Variants in SIAH3 observed in about 807,000 individuals in gnomAD.
The protein encoded by SIAH3 is siah E3 ubiquitin protein ligase family member 3.
A neutral mutation model predicts 12.6 loss-of-function variants in SIAH3; 9 were observed. The observed-to-expected ratio is 0.72, with a 90% confidence interval of 0.43 to 1.25. The LOEUF (loss-of-function observed/expected upper bound fraction) is 1.25, where lower values mean the gene tolerates loss of function less well. SIAH3 is among the 50% of genes most tolerant of loss of function. The probability of loss-of-function intolerance (pLI) is 0.00; values close to 1 mark genes in which losing one functional copy is unlikely to be tolerated. For synonymous variants in SIAH3, 154 were observed against 151.1 expected, an observed-to-expected ratio of 1.02 and a Z score of -0.14; for missense variants, 390 against 365.4, an observed-to-expected ratio of 1.07 and a Z score of -0.55.
intron 1 of SIAH3, among the ~76,000 whole-genome samples, chr13:45,803,352 G>A (rs1950588768): frequency 6.6e-6 from 1 of 152,176 alleles, no homozygotes; most frequent in South Asian, 2.1e-4. Flanking sequence ...AATACCCAGT[G>A]TCTGTCCACA....
chr13:45,843,551 T>C, intron 1 of SIAH3, among the ~76,000 whole-genome samples: 1 of 152,166 alleles, frequency 6.6e-6, no homozygotes, highest in Non-Finnish European at 1.5e-5. Flanking sequence ...TCAGCTCTTG[T>C]CCCACTGCAG....
chr13:45,799,477 C>T (rs1312319573), intron 1 of SIAH3, among the ~76,000 whole-genome samples: 4 of 152,176 alleles, frequency 2.6e-5, no homozygotes, highest in African/African-American at 9.7e-5. Flanking sequence ...TGGCTGACAC[C>T]TGCTGAGTGT....
intron 1 of SIAH3, among the ~76,000 whole-genome samples, chr13:45,806,682 A>G (rs1431298464): frequency 2.0e-5 from 3 of 152,214 alleles, no homozygotes; most frequent in African/African-American, 4.8e-5. Flanking sequence ...TCATTTACCC[A>G]TGTAACAAAC....
chr13:45,835,497 T>C (rs1950714552), intron 1 of SIAH3, among the ~76,000 whole-genome samples: 2 of 152,216 alleles, frequency 1.3e-5, no homozygotes, highest in African/African-American at 2.4e-5. Flanking sequence ...CCAAGCACTT[T>C]ATTATATTAA....
chr13:45,819,005 G>A (rs1353036453), intron 1 of SIAH3, among the ~76,000 whole-genome samples: 2 of 152,178 alleles, frequency 1.3e-5, no homozygotes, highest in African/African-American at 4.8e-5. Flanking sequence ...TTCTAATGAA[G>A]AGATGGACAA....
rs1319254988 is a variant in SIAH3, at chr13:45,777,618, TG to T, written c.*5764del. The T allele has an allele frequency of 3.3e-5, 5 of 152,228 alleles. No individual in the cohort carries two copies. Among genetic ancestry groups the T allele is most frequent in the African/African-American group, 1.2e-4 (5 of 41,472 alleles). 9.4% of individuals were successfully genotyped at this position (152,228 alleles called of 1,614,324 possible). On this transcript the variant is annotated 3_prime_UTR_variant, in exon 2 of 2. Coordinates refer to ENST00000400405, the MANE Select transcript of SIAH3 (RefSeq NM_198849.3). Reference sequence around the variant, plus strand: ...CTTTTCAGTGAAGTTTTTCTTCAGCTGGCTATTTTCCAGGTGAACACAATGG... The same window carrying T: ...CTTTTCAGTGAAGTTTTTCTTCAGCTGCTATTTTCCAGGTGAACACAATGG...
intron 1 of SIAH3, among the ~76,000 whole-genome samples, chr13:45,842,338 A>G (rs1328985768): frequency 6.6e-6 from 1 of 152,090 alleles, no homozygotes; most frequent in East Asian, 1.9e-4. Flanking sequence ...TGAACACTTT[A>G]TATAAATCAT....
At chr13:45,809,991 C>T (rs1183030491) in intron 1 of SIAH3, among the ~76,000 whole-genome samples, 1 of 152,246 alleles carries the variant, frequency 6.6e-6, no homozygotes, top group Non-Finnish European at 1.5e-5. Flanking sequence ...AGAAGCTTGT[C>T]ACGTTGCCAT....
chr13:45,832,549 A>T (rs1950702965), intron 1 of SIAH3, among the ~76,000 whole-genome samples: 1 of 152,136 alleles, frequency 6.6e-6, no homozygotes, highest in Non-Finnish European at 1.5e-5. Context: ...TGAATATCCC[A>T]TTGTATGTAT....
intron 1 of SIAH3, among the ~76,000 whole-genome samples, chr13:45,788,699 C>T (rs1423274476): frequency 2.0e-5 from 3 of 152,154 alleles, no homozygotes; most frequent in African/African-American, 7.2e-5. Flanking sequence ...ACTACATGAC[C>T]CTTTCTCTGG....
chr13:45,807,587 T>A (rs984308499), intron 1 of SIAH3, among the ~76,000 whole-genome samples: 1 of 152,158 alleles, frequency 6.6e-6, no homozygotes, highest in African/African-American at 2.4e-5. Flanking sequence ...AAATCTGTAT[T>A]CCCCATTCGT....
intron 1 of SIAH3, among the ~76,000 whole-genome samples, chr13:45,831,923 A>G (rs1950700723): frequency 6.6e-6 from 1 of 152,250 alleles, no homozygotes; most frequent in South Asian, 2.1e-4. Flanking sequence ...AAAGGAACAT[A>G]GGTCCTTGAG....
chr13:45,813,240 C>T (rs952684651), intron 1 of SIAH3, among the ~76,000 whole-genome samples: 18 of 152,196 alleles, frequency 1.2e-4, no homozygotes, highest in Non-Finnish European at 2.6e-4. Flanking sequence ...GAGCCTATAT[C>T]AGTACTGAGT....
chr13:45,783,815 G>A lies in SIAH3; in HGVS notation c.378C>T (p.His126=). 3 of 1,614,206 alleles carry A rather than the reference G, an allele frequency of 1.9e-6. No homozygotes were observed. The East Asian group carries it at 6.7e-5, about 36-fold the overall frequency. ...WEGRLEVVVP[H]LRQIHRVDIL... ...TGTCAACCCTATGGATCTGCCGCAG[G>A]TGGGGCACCACCACCTCCAGGCGGC... The change falls in exon 2 of 2, where the codon CAC becomes CAT. Residue 126 remains histidine, a synonymous_variant. Coordinates refer to ENST00000400405, the MANE Select transcript of SIAH3 (RefSeq NM_198849.3).
At chr13:45,800,876 T>C (rs2137557714) in intron 1 of SIAH3, among the ~76,000 whole-genome samples, 1 of 152,272 alleles carries the variant, frequency 6.6e-6, no homozygotes, top group South Asian at 2.1e-4. Flanking sequence ...GAATTGGTAA[T>C]GAGATAGAAC....
At chr13:45,835,072 A>G (rs1950713312) in intron 1 of SIAH3, among the ~76,000 whole-genome samples, 1 of 152,208 alleles carries the variant, frequency 6.6e-6, no homozygotes, top group Non-Finnish European at 1.5e-5. Context: ...AAGATAGACT[A>G]GAAAGGCAGA....
intron 1 of SIAH3, among the ~76,000 whole-genome samples, chr13:45,814,238 C>CAA (rs56377017): frequency 0.011 from 770 of 72,104 alleles, 22 homozygotes; most frequent in Non-Finnish European, 0.013. Context: ...GACTCTGTCT[C>CAA]AAAAAAAAAA....
At chr13:45,838,535 C>G (rs957853464) in intron 1 of SIAH3, among the ~76,000 whole-genome samples, 1 of 152,042 alleles carries the variant, frequency 6.6e-6, no homozygotes, top group African/African-American at 2.4e-5. Context: ...GCAGTGCCAG[C>G]GCCTGCCCCA....
At chr13:45,786,860 G>A (rs1328556773) in intron 1 of SIAH3, among the ~76,000 whole-genome samples, 1 of 152,188 alleles carries the variant, frequency 6.6e-6, no homozygotes, top group East Asian at 1.9e-4. Context: ...TGTGAGGACA[G>A]ATAGAATGTC....
Sources: gnomAD v4.1 joint callset for allele counts (sites outside exome capture counted in the v4.1 genomes callset) on GRCh38, gnomAD v4.1.1 for gene constraint, MANE v1.5 for transcripts, NCBI Gene and HGNC (gene_info 2026-07-23, HGNC 2026-07-21) for gene names.